The following SPAG16 variants were observed in gnomAD, a reference collection of about 807,000 sequenced individuals.
The protein encoded by SPAG16 is sperm associated antigen 16.
Under a neutral mutation model 80.4 loss-of-function variants are expected in SPAG16, and 86 were observed. That is an observed-to-expected ratio of 1.07 (90% CI 0.90 to 1.28). The LOEUF (loss-of-function observed/expected upper bound fraction) is 1.28, where lower values mean the gene tolerates loss of function less well. Ranked by LOEUF, SPAG16 falls within the 50% of genes most tolerant of loss-of-function variation. The pLI is 0.00. For missense variants in SPAG16, 870 were observed against 765.3 expected (o/e 1.14, Z -1.61); for synonymous variants, 294 against 265.9 (o/e 1.11, Z -1.03).
intron 15 of SPAG16, among the ~76,000 whole-genome samples, chr2:214,188,907 T>C (rs1026558361): frequency 1.3e-5 from 2 of 152,098 alleles, no homozygotes; most frequent in Non-Finnish European, 2.9e-5. Flanking sequence ...CTTTCTGTGC[T>C]TCATTTATAG....
At chr2:213,296,549 A>G (rs1019258027) in intron 2 of SPAG16, among the ~76,000 whole-genome samples, 2 of 152,198 alleles carry the variant, frequency 1.3e-5, no homozygotes, top group African/African-American at 2.4e-5. Flanking sequence ...GCTTTCCTTT[A>G]ATTCATTGTT....
At chr2:213,296,004 A>G (rs2062480768) in intron 1 of SPAG16, 60 bp from the exon 2 acceptor site, 1 of 1,439,844 alleles carries the variant, frequency 6.9e-7, no homozygotes, top group East Asian at 2.3e-5. Context: ...GGTCAAATCA[A>G]TTTTTGTGCA....
intron 10 of SPAG16, among the ~76,000 whole-genome samples, chr2:213,599,768 A>G (rs2060999716): frequency 6.6e-6 from 1 of 152,066 alleles, no homozygotes; most frequent in Non-Finnish European, 1.5e-5. Flanking sequence ...GTGGCACAAT[A>G]TCGGCTCACT....
chr2:213,659,590 C>T (rs1469028628), intron 10 of SPAG16, among the ~76,000 whole-genome samples: 3 of 152,072 alleles, frequency 2.0e-5, no homozygotes, highest in African/African-American at 7.2e-5. Context: ...TATAAAAGAT[C>T]AAAGTGGGCT....
At chr2:214,103,827 A>G (rs1409902574) in intron 13 of SPAG16, among the ~76,000 whole-genome samples, 2 of 152,042 alleles carry the variant, frequency 1.3e-5, no homozygotes, top group African/African-American at 4.8e-5. Flanking sequence ...AACCGGGTGT[A>G]CCTTGTGGGT....
chr2:213,609,836 G>A (rs1303136530), intron 10 of SPAG16, among the ~76,000 whole-genome samples: 1 of 152,152 alleles, frequency 6.6e-6, no homozygotes, highest in African/African-American at 2.4e-5. Flanking sequence ...TTCTGGTGAT[G>A]TGTATGCAGG....
intron 10 of SPAG16, among the ~76,000 whole-genome samples, chr2:213,737,895 T>C (rs571607137): frequency 2.2e-4 from 33 of 152,214 alleles, no homozygotes; most frequent in Non-Finnish European, 3.8e-4. Flanking sequence ...CAGTTGTGTC[T>C]CTTTTTCTGT....
intron 10 of SPAG16, among the ~76,000 whole-genome samples, chr2:213,755,775 G>A (rs1338267045): frequency 6.6e-6 from 1 of 152,116 alleles, no homozygotes; most frequent in Non-Finnish European, 1.5e-5. Context: ...GTAGATATTA[G>A]AAAGATATAC....
intron 10 of SPAG16, among the ~76,000 whole-genome samples, chr2:213,617,739 G>A (rs1332143148): frequency 1.3e-5 from 2 of 152,156 alleles, no homozygotes; most frequent in Non-Finnish European, 2.9e-5. Flanking sequence ...CATGGGCCTA[G>A]GAGTTTGAGG....
At chr2:213,428,912 A>G (rs938689383) in intron 9 of SPAG16, among the ~76,000 whole-genome samples, 1 of 152,002 alleles carries the variant, frequency 6.6e-6, no homozygotes, top group East Asian at 1.9e-4. Flanking sequence ...CAACATAGTG[A>G]AGCCCTGTCT....
intron 13 of SPAG16, among the ~76,000 whole-genome samples, chr2:214,042,712 A>G (rs536976429): frequency 7.8e-4 from 118 of 152,190 alleles, no homozygotes; most frequent in African/African-American, 2.6e-3. Flanking sequence ...CTCATTCCTG[A>G]TTTGTGTTAC....
At chr2:213,660,184 A>G (rs902960035) in intron 10 of SPAG16, among the ~76,000 whole-genome samples, 1 of 152,222 alleles carries the variant, frequency 6.6e-6, no homozygotes, top group Non-Finnish European at 1.5e-5. Flanking sequence ...AGTTAGACAT[A>G]AGAGTTATTG....
intron 10 of SPAG16, among the ~76,000 whole-genome samples, chr2:213,793,827 A>C (rs907233030): frequency 6.6e-6 from 1 of 152,178 alleles, no homozygotes; most frequent in African/African-American, 2.4e-5. Context: ...TAACGTCTTA[A>C]TACCTCCAAG....
At chr2:214,390,531 GT>G (rs1701016664) in intron 15 of SPAG16, among the ~76,000 whole-genome samples, 1 of 151,960 alleles carries the variant, frequency 6.6e-6, no homozygotes, top group Admixed American at 6.6e-5. Context: ...GTTAAAAACA[GT>G]CATAATCCAA....
chr2:213,396,682 A>G (rs777241737), intron 9 of SPAG16: 12 of 456,034 alleles, frequency 2.6e-5, no homozygotes, highest in Admixed American at 2.4e-4. Flanking sequence ...GCACACCAGC[A>G]CATCGACTAA....
At chr2:213,806,299 A>T (rs987245568) in intron 10 of SPAG16, among the ~76,000 whole-genome samples, 1 of 152,208 alleles carries the variant, frequency 6.6e-6, no homozygotes, top group Non-Finnish European at 1.5e-5. Flanking sequence ...TATGAATATA[A>T]CTTTTAATTC....
At chr2:213,399,140 G>T (rs757150426) in intron 9 of SPAG16, among the ~76,000 whole-genome samples, 12 of 151,924 alleles carry the variant, frequency 7.9e-5, no homozygotes, top group Non-Finnish European at 1.3e-4. Flanking sequence ...TTTGTGCTTT[G>T]TCTAGGTCCT....
intron 10 of SPAG16, among the ~76,000 whole-genome samples, chr2:213,504,353 T>C (rs558164375): frequency 6.6e-6 from 1 of 152,086 alleles, no homozygotes; most frequent in Non-Finnish European, 1.5e-5. Flanking sequence ...AAACAAAACA[T>C]CTTTAAATTT....
chr2:213,882,467 T>G (rs2076381888), intron 11 of SPAG16, among the ~76,000 whole-genome samples: 1 of 152,198 alleles, frequency 6.6e-6, no homozygotes, highest in African/African-American at 2.4e-5. Context: ...GGTTTTTTTC[T>G]GTATTCAATT....
Sources: allele counts gnomAD v4.1 joint callset (sites outside exome capture counted in the v4.1 genomes callset), GRCh38; gene constraint gnomAD v4.1.1; transcripts MANE v1.5; gene names NCBI Gene and HGNC (gene_info 2026-07-23, HGNC 2026-07-21).